The following SNTG1 variants were observed in gnomAD, a reference collection of about 807,000 sequenced individuals.
SNTG1 encodes syntrophin gamma 1.
Under a neutral mutation model 74.7 loss-of-function variants are expected in SNTG1, and 39 were observed. The ratio of observed to expected loss-of-function variants is 0.52; its 90% CI spans 0.40 to 0.68. The LOEUF is 0.68. SNTG1 is among the 30% of genes least tolerant of loss of function. SNTG1 has a pLI of 0.00. For synonymous variants in SNTG1, 254 were observed against 217.1 expected, an observed-to-expected ratio of 1.17 and a Z score of -1.49; for missense variants, 685 against 609.5, an observed-to-expected ratio of 1.12 and a Z score of -1.30.
intron 8 of SNTG1, among the ~76,000 whole-genome samples, chr8:50,489,848 C>A (rs901027232): frequency 1.3e-5 from 2 of 152,122 alleles, no homozygotes; most frequent in Admixed American, 6.5e-5. Context: ...TTTGCCCATG[C>A]CTATGTCCTG....
At chr8:50,605,774 G>T (rs1170333783) in intron 13 of SNTG1, among the ~76,000 whole-genome samples, 1 of 152,008 alleles carries the variant, frequency 6.6e-6, no homozygotes, top group Admixed American at 6.6e-5. Flanking sequence ...TTAAAATTTG[G>T]TGCTTCTGTT....
At chr8:50,273,916 C>T (rs2087931135) in intron 2 of SNTG1, among the ~76,000 whole-genome samples, 2 of 152,026 alleles carry the variant, frequency 1.3e-5, no homozygotes, top group South Asian at 4.2e-4. Flanking sequence ...TTTATTTAGA[C>T]CCTTTTTGAT....
intron 2 of SNTG1, among the ~76,000 whole-genome samples, chr8:50,356,942 A>T (rs1164835090): frequency 1.3e-5 from 2 of 152,220 alleles, no homozygotes; most frequent in African/African-American, 4.8e-5. Flanking sequence ...TTGGGCCTCA[A>T]TGAGCTGGAC....
intron 8 of SNTG1, among the ~76,000 whole-genome samples, chr8:50,458,753 T>C (rs977332525): frequency 1.5e-5 from 2 of 134,760 alleles, no homozygotes; most frequent in African/African-American, 5.5e-5. Context: ...ATATATGCCA[T>C]ATCACTTTTA....
chr8:50,063,316 C>T (rs1443558255), intron 1 of SNTG1, among the ~76,000 whole-genome samples: 2 of 152,328 alleles, frequency 1.3e-5, no homozygotes, highest in South Asian at 2.1e-4. Flanking sequence ...AGAATTCTCA[C>T]GTTTGCATCA....
intron 1 of SNTG1, among the ~76,000 whole-genome samples, chr8:50,043,174 A>G (rs780175606): frequency 4.6e-5 from 7 of 152,194 alleles, no homozygotes; most frequent in Admixed American, 1.3e-4. Context: ...AGAACATGTA[A>G]AAATACAAAT....
At chr8:50,266,684 G>GTGTATA (rs371676511) in intron 2 of SNTG1, among the ~76,000 whole-genome samples, 1,545 of 136,738 alleles carry the variant, frequency 0.011, 41 homozygotes, top group South Asian at 0.071. Context: ...GTGTGTGTGT[G>GTGTATA]TATATATATA....
chr8:50,116,984 G>C (rs1015537439), intron 1 of SNTG1, among the ~76,000 whole-genome samples: 4 of 152,040 alleles, frequency 2.6e-5, no homozygotes, highest in African/African-American at 4.8e-5. Flanking sequence ...TGAGTACTTA[G>C]ATTTTTTAAT....
intron 8 of SNTG1, among the ~76,000 whole-genome samples, chr8:50,459,842 A>C (rs2093543655): frequency 6.6e-6 from 1 of 152,030 alleles, no homozygotes; most frequent in African/African-American, 2.4e-5. Context: ...AACAGACACG[A>C]TTTTTTTCTT....
At chr8:50,714,518 C>G (rs971468567) in intron 17 of SNTG1, among the ~76,000 whole-genome samples, 1 of 152,114 alleles carries the variant, frequency 6.6e-6, no homozygotes, top group African/African-American at 2.4e-5. Context: ...CTACCCTTGA[C>G]TTTCTTCACA....
intron 18 of SNTG1, among the ~76,000 whole-genome samples, chr8:50,774,997 A>C (rs1422509950): frequency 6.6e-6 from 1 of 150,758 alleles, no homozygotes; most frequent in Non-Finnish European, 1.5e-5. Flanking sequence ...AATTTATATA[A>C]AAGTGTATAC....
At chr8:50,171,699 T>G (rs1252647279) in intron 1 of SNTG1, among the ~76,000 whole-genome samples, 1 of 152,234 alleles carries the variant, frequency 6.6e-6, no homozygotes, top group Non-Finnish European at 1.5e-5. Flanking sequence ...TTAAGGGTTC[T>G]CGACTTAGCT....
chr8:50,496,978 A>C (rs984257547), intron 8 of SNTG1, among the ~76,000 whole-genome samples: 1 of 84,504 alleles, frequency 1.2e-5, no homozygotes, highest in Non-Finnish European at 3.0e-5. Flanking sequence ...TAGAAGAAAA[A>C]TTGAAAAAAA....
intron 2 of SNTG1, among the ~76,000 whole-genome samples, chr8:50,323,438 G>C (rs2090609566): frequency 6.6e-6 from 1 of 152,088 alleles, no homozygotes; most frequent in African/African-American, 2.4e-5. Context: ...AAAGAATTAG[G>C]TATTTATTAT....
intron 1 of SNTG1, among the ~76,000 whole-genome samples, chr8:50,087,335 G>A (rs112940292): frequency 2.0e-5 from 3 of 152,080 alleles, no homozygotes; most frequent in African/African-American, 7.2e-5. Context: ...ATTACCCCTC[G>A]GCTTTGGTAT....
chr8:49,940,937 TTAAC>T (rs1372763036), intron 1 of SNTG1, among the ~76,000 whole-genome samples: 1 of 152,126 alleles, frequency 6.6e-6, no homozygotes, highest in Non-Finnish European at 1.5e-5. Context: ...TTAAAAAACT[TTAAC>T]TGATAAAATC....
At chr8:50,253,095 C>T (rs1012806264) in intron 2 of SNTG1, among the ~76,000 whole-genome samples, 1 of 152,062 alleles carries the variant, frequency 6.6e-6, no homozygotes, top group African/African-American at 2.4e-5. Context: ...TAAATCCGTA[C>T]AGCCACTGTG....
Position 50,590,926 on chromosome 8 carries a change from A to T in SNTG1, c.849+9A>T. The T allele has an allele frequency of 6.4e-7, 1 of 1,552,536 alleles. No individual in the cohort carries two copies. Among genetic ancestry groups the T allele is most frequent in the East Asian group, 2.3e-5 (1 of 42,668 alleles). ...TTCCTGTAAACCAGCAGGTAAGATC[A>T]AAGCATACTTGGAAAGCTAAATAAT... On this transcript the variant is annotated intron_variant, in intron 13 of 18. Coordinates refer to ENST00000642720, the MANE Select transcript of SNTG1 (RefSeq NM_018967.5).
At chr8:50,680,939 A>C (rs995568467) in intron 15 of SNTG1, among the ~76,000 whole-genome samples, 2 of 152,206 alleles carry the variant, frequency 1.3e-5, no homozygotes, top group Non-Finnish European at 2.9e-5. Flanking sequence ...ATGTGAAAAC[A>C]CAATGTAAAT....
Sources: gnomAD v4.1 joint callset for allele counts (sites outside exome capture counted in the v4.1 genomes callset) on GRCh38, gnomAD v4.1.1 for gene constraint, MANE v1.5 for transcripts, NCBI Gene and HGNC (gene_info 2026-07-23, HGNC 2026-07-21) for gene names.